Variants in FHIT observed in about 807,000 individuals in gnomAD.
The protein encoded by FHIT is bis(5'-adenosyl)-triphosphatase.
Under a neutral mutation model 17.9 loss-of-function variants are expected in FHIT, and 19 were observed. That is an observed-to-expected ratio of 1.06 (90% confidence interval 0.74 to 1.56). The LOEUF (loss-of-function observed/expected upper bound fraction) is 1.56. Ranked by LOEUF, FHIT falls within the 40% of genes most tolerant of loss-of-function variation. The pLI, the probability that FHIT is intolerant of heterozygous loss-of-function variation, is 0.00. For synonymous variants in FHIT, 81 were observed against 69.7 expected (o/e 1.16, Z -0.81); for missense variants, 248 against 189.2 (o/e 1.31, Z -1.82).
chr3:59,878,779 T>C (rs544061565), intron 8 of FHIT, among the ~76,000 whole-genome samples: 23 of 152,306 alleles, frequency 1.5e-4, no homozygotes, highest in South Asian at 1.5e-3. Context: ...TTACTCGATA[T>C]TGACGCTAAC....
intron 1 of FHIT, among the ~76,000 whole-genome samples, chr3:61,233,251 C>T (rs188735823): frequency 6.6e-6 from 1 of 152,262 alleles, no homozygotes; most frequent in Non-Finnish European, 1.5e-5. Context: ...TGTGTACACA[C>T]ACACACACAC....
chr3:60,294,965 T>C (rs1271221888), intron 5 of FHIT, among the ~76,000 whole-genome samples: 1 of 152,176 alleles, frequency 6.6e-6, no homozygotes, highest in Non-Finnish European at 1.5e-5. Context: ...TTTTGGCCAT[T>C]ATGAATAAAG....
chr3:60,651,822 A>T (rs2039998367), intron 4 of FHIT, among the ~76,000 whole-genome samples: 1 of 152,214 alleles, frequency 6.6e-6, no homozygotes, highest in Admixed American at 6.5e-5. Context: ...TGTGGCATAT[A>T]AAAATCACAA....
Position 60,119,600 on chromosome 3 carries a change from G to A in FHIT, c.104-105448C>T, listed in dbSNP as rs778866092. 1.2e-4 allele frequency among the ~76,000 whole-genome samples: 18 copies of A among 152,054 alleles called. 1 individual carries two copies. The highest frequency in any genetic ancestry group is 3.9e-4 in the Admixed American group (6 of 15,264). The stretch of plus-strand genomic sequence containing the variant: ...TTTTCTATGAATTAATTTTGTCCCT[G>A]TATGGGTACTGTCATCGTGTCGGGT... On this transcript the variant is annotated intron_variant, in intron 5 of 9. Coordinates refer to ENST00000492590, the MANE Select transcript of FHIT (RefSeq NM_002012.4).
At chr3:59,941,208 A>G (rs997723486) in intron 7 of FHIT, among the ~76,000 whole-genome samples, 3 of 152,194 alleles carry the variant, frequency 2.0e-5, no homozygotes, top group Non-Finnish European at 4.4e-5. Flanking sequence ...TCTTTTGTGT[A>G]TGCAATAGTG....
chr3:60,570,023 T>A (rs2107660560), intron 4 of FHIT, among the ~76,000 whole-genome samples: 1 of 152,176 alleles, frequency 6.6e-6, no homozygotes, highest in East Asian at 1.9e-4. Flanking sequence ...CATCACTGCC[T>A]AGGGATCTTT....
At chr3:60,452,346 C>T (rs992599613) in intron 5 of FHIT, among the ~76,000 whole-genome samples, 16 of 152,108 alleles carry the variant, frequency 1.1e-4, no homozygotes, top group African/African-American at 3.6e-4. Flanking sequence ...TTTAAAGTGG[C>T]CCCATTTGAC....
intron 5 of FHIT, among the ~76,000 whole-genome samples, chr3:60,299,392 C>CT (rs1389334884): frequency 6.6e-6 from 1 of 152,072 alleles, no homozygotes; most frequent in African/African-American, 2.4e-5. Flanking sequence ...GGCAATACAA[C>CT]TTCAAAAATT....
chr3:60,420,731 T>C (rs1047291074), intron 5 of FHIT, among the ~76,000 whole-genome samples: 1 of 152,190 alleles, frequency 6.6e-6, no homozygotes, highest in Non-Finnish European at 1.5e-5. Flanking sequence ...GCATGGAGTG[T>C]CTTGGTATTT....
At chr3:60,040,121 T>G (rs1701375197) in intron 5 of FHIT, among the ~76,000 whole-genome samples, 1 of 151,742 alleles carries the variant, frequency 6.6e-6, no homozygotes, top group Non-Finnish European at 1.5e-5. Context: ...TGTCACCTAA[T>G]GAATAATTTC....
intron 4 of FHIT, among the ~76,000 whole-genome samples, chr3:60,561,568 C>A (rs1382401820): frequency 6.6e-6 from 1 of 151,888 alleles, no homozygotes; most frequent in Admixed American, 6.6e-5. Context: ...GTGAATAGCC[C>A]AATTCTTCTC....
intron 5 of FHIT, among the ~76,000 whole-genome samples, chr3:60,464,819 C>G (rs1487406411): frequency 6.6e-6 from 1 of 152,116 alleles, no homozygotes; most frequent in Admixed American, 6.5e-5. Flanking sequence ...CTGCAATAAA[C>G]ACGGGGGTAC....
chr3:59,839,304 C>G (rs1209139112), intron 8 of FHIT, among the ~76,000 whole-genome samples: 5 of 136,058 alleles, frequency 3.7e-5, no homozygotes, highest in African/African-American at 1.4e-4. Context: ...GGCAACAGAG[C>G]GAGACTTCAT....
intron 5 of FHIT, among the ~76,000 whole-genome samples, chr3:60,168,307 G>C (rs1701266165): frequency 6.6e-6 from 1 of 152,120 alleles, no homozygotes. Flanking sequence ...CTAACACATG[G>C]AGCAGATTTT....
intron 4 of FHIT, among the ~76,000 whole-genome samples, chr3:60,700,171 A>T (rs1391237031): frequency 5.3e-5 from 8 of 151,420 alleles, no homozygotes; most frequent in Admixed American, 5.3e-4. Flanking sequence ...TGTATGTGGT[A>T]TATAAAATAA....
At chr3:60,829,170 C>G (rs1407032389) in intron 3 of FHIT, among the ~76,000 whole-genome samples, 10 of 152,178 alleles carry the variant, frequency 6.6e-5, no homozygotes, top group African/African-American at 2.2e-4. Context: ...TCTAGAAACA[C>G]CATAGTAAAG....
At chr3:60,288,728 G>A (rs1386758739) in intron 5 of FHIT, among the ~76,000 whole-genome samples, 1 of 151,988 alleles carries the variant, frequency 6.6e-6, no homozygotes, top group Non-Finnish European at 1.5e-5. Context: ...TGAGAATACA[G>A]ATTATACTAG....
intron 7 of FHIT, among the ~76,000 whole-genome samples, chr3:59,983,852 C>G (rs936690316): frequency 6.6e-6 from 1 of 152,002 alleles, no homozygotes; most frequent in African/African-American, 2.4e-5. Context: ...CTGTATTACC[C>G]CTGTGGCCAA....
intron 5 of FHIT, among the ~76,000 whole-genome samples, chr3:60,208,296 C>G (rs1248496101): frequency 6.6e-6 from 1 of 152,142 alleles, no homozygotes; most frequent in Non-Finnish European, 1.5e-5. Context: ...TTAAAAGATG[C>G]AGGCTTTCAG....
Sources: gnomAD v4.1 joint callset for allele counts (sites outside exome capture counted in the v4.1 genomes callset) on GRCh38, gnomAD v4.1.1 for gene constraint, MANE v1.5 for transcripts, NCBI Gene and HGNC (gene_info 2026-07-23, HGNC 2026-07-21) for gene names.